Variants in ALLC observed in about 807,000 individuals in gnomAD.
ALLC encodes allantoicase, also known as probable inactive allantoicase.
In ALLC, 40 loss-of-function variants were observed where a neutral mutation model predicts 45.0. The observed-to-expected ratio is 0.89, with a 90% CI of 0.69 to 1.16. ALLC has a LOEUF of 1.16. Ranked by LOEUF, ALLC falls within the 50% of genes most tolerant of loss-of-function variation. ALLC has a pLI of 0.00. For synonymous variants in ALLC, 176 were observed against 178.1 expected, an observed-to-expected ratio of 0.99 and a Z score of 0.09; for missense variants, 488 against 493.1, an observed-to-expected ratio of 0.99 and a Z score of 0.10.
chr2:3,647,032 G>C, the ALLC span, among the ~76,000 whole-genome samples: 1 of 152,024 alleles, frequency 6.6e-6, no homozygotes, highest in African/African-American at 2.4e-5. Flanking sequence ...CATCATCCCC[G>C]TGAGGACGCA....
At chr2:3,660,651 C>T (rs1475331396) in intron 1 of ALLC, among the ~76,000 whole-genome samples, 5 of 143,726 alleles carry the variant, frequency 3.5e-5, no homozygotes, top group Admixed American at 2.7e-4. Flanking sequence ...TTATTCCTGA[C>T]GCACGTGGCC....
intron 1 of ALLC, among the ~76,000 whole-genome samples, chr2:3,668,566 C>CTTCTTT (rs1666786344): frequency 1.4e-5 from 1 of 71,886 alleles, no homozygotes; most frequent in Non-Finnish European, 2.4e-5. Context: ...ATGTGTATGA[C>CTTCTTT]TTTTTTTTTT....
At chr2:3,656,078 C>T (rs1160363153), upstream of ALLC, among the ~76,000 whole-genome samples, 1 of 152,256 alleles carries the variant, frequency 6.6e-6, no homozygotes, top group South Asian at 2.1e-4. Context: ...CAGGTCCCCA[C>T]CTAGTGAGCG....
chr2:3,681,192 G>C (rs1057499493), intron 5 of ALLC, among the ~76,000 whole-genome samples: 1 of 152,138 alleles, frequency 6.6e-6, no homozygotes, highest in Non-Finnish European at 1.5e-5. Context: ...AAGCGGAAAT[G>C]ACCAGTGACA....
chr2:3,695,696 T>C (rs1317122675), intron 7 of ALLC, 21 bp from the exon 8 acceptor site: 1 of 1,613,892 alleles, frequency 6.2e-7, no homozygotes, highest in Non-Finnish European at 8.5e-7. Context: ...AAACAATAAC[T>C]AAGGCACCTT....
upstream of ALLC, among the ~76,000 whole-genome samples, chr2:3,656,882 G>A (rs1021861844): frequency 7.9e-5 from 12 of 152,056 alleles, no homozygotes; most frequent in Admixed American, 2.0e-4. Context: ...TGGCTTTATC[G>A]GTGCCACAGC....
intron 1 of ALLC, 55 bp from the exon 2 acceptor site, chr2:3,671,041 G>A (rs1666854794): frequency 3.9e-6 from 4 of 1,023,302 alleles, no homozygotes; most frequent in Admixed American, 2.1e-5. Flanking sequence ...CCTAGACGGG[G>A]CCTCACTCAC....
chr2:3,681,631 C>A lies in ALLC; in HGVS notation c.299-3C>A. 1 of 1,605,764 alleles carries A rather than the reference C, an allele frequency of 6.2e-7. No homozygotes were observed. The highest frequency in any genetic ancestry group is 8.5e-7 in the Non-Finnish European group (1 of 1,175,120). ...TAATCCTGAATGGTCATTCCAACTACAGATAAACTACCAGAAATCCCAGAA... is the reference window on the plus strand; with the variant it reads ...TAATCCTGAATGGTCATTCCAACTAAAGATAAACTACCAGAAATCCCAGAA... On this transcript the variant is annotated splice_region_variant and splice_polypyrimidine_tract_variant and intron_variant, in intron 5 of 11. Coordinates refer to ENST00000252505, the MANE Select transcript of ALLC (RefSeq NM_018436.4).
chr2:3,693,903 G>A (rs188525433), intron 7 of ALLC, among the ~76,000 whole-genome samples: 8 of 152,234 alleles, frequency 5.3e-5, no homozygotes, highest in Admixed American at 1.3e-4. Context: ...CAGCAGAATC[G>A]CCTGAACCCG....
At chr2:3,701,358 T>A (rs1231903684) in intron 10 of ALLC, among the ~76,000 whole-genome samples, 154 bp from the exon 11 acceptor site, 1 of 152,200 alleles carries the variant, frequency 6.6e-6, no homozygotes, top group East Asian at 1.9e-4. Context: ...GGTTTGTTCC[T>A]TCCCTCACAT....
rs904735525 is a variant in ALLC, at chr2:3,702,308, C to T, written c.976-55C>T. The T allele has an allele frequency of 2.0e-5, 30 of 1,520,730 alleles. No homozygotes were observed. The Middle Eastern group carries it at 5.1e-4, about 26-fold the overall frequency. 94.2% of individuals were successfully genotyped at this position (1,520,730 alleles called of 1,614,324 possible). ...GGTTTGCCCGGGCCGTGGGCTCATT[C>T]GGCCACACATGTCCTGTTAACAGAC... On this transcript the variant is annotated intron_variant, in intron 11 of 11. Coordinates refer to ENST00000252505, the MANE Select transcript of ALLC (RefSeq NM_018436.4).
chr2:3,676,384 G>A (rs1450945456), intron 3 of ALLC, among the ~76,000 whole-genome samples: 1 of 152,144 alleles, frequency 6.6e-6, no homozygotes, highest in Non-Finnish European at 1.5e-5. Flanking sequence ...CTGGGCACAA[G>A]CGATCCTCCT....
In ALLC at chr2:3,681,703, C is replaced by T; in HGVS notation, c.368C>T (p.Ala123Val). 6.2e-7 allele frequency: 1 copy of T among 1,608,906 alleles called. No individual in the cohort carries two copies. The highest frequency in any genetic ancestry group is 8.5e-7 in the Non-Finnish European group (1 of 1,177,368). The change falls in exon 6 of 12, where the codon GCC (alanine) becomes GTC (valine). Residue 123 changes from alanine (A) to valine (V), a missense_variant. By Grantham distance (64) the Ala-to-Val change is moderately conservative. Transcript: ENST00000252505. ...GCAGCCACTCCTGAGGAGTTTGAAG[C>T]CATTGCTGAGGTACATCTCCCCCAA... ...GAAATPEEFE[A>V]IAELKSDDWS...
intron 7 of ALLC, among the ~76,000 whole-genome samples, chr2:3,690,674 C>CA (rs149587968): frequency 0.089 from 13,384 of 149,680 alleles, 740 homozygotes; most frequent in African/African-American, 0.16. Context: ...CAAAGAAAAA[C>CA]AAAAAAAAAC....
At chr2:3,647,206 C>T in the ALLC span, among the ~76,000 whole-genome samples, 1 of 152,136 alleles carries the variant, frequency 6.6e-6, no homozygotes, top group African/African-American at 2.4e-5. Flanking sequence ...TTCAACGCGA[C>T]ACACACATAC....
chr2:3,661,999 G>A (rs891771533), intron 1 of ALLC, among the ~76,000 whole-genome samples: 1 of 151,980 alleles, frequency 6.6e-6, no homozygotes, highest in African/African-American at 2.4e-5. Context: ...GGACTGAGCA[G>A]GGGCTGCCCT....
chr2:3,652,162 T>C, the ALLC span, among the ~76,000 whole-genome samples: 4,523 of 152,326 alleles, frequency 0.03, 188 homozygotes, highest in African/African-American at 0.094. Context: ...GCCCATGGAT[T>C]GTGCCGCCCA....
intron 4 of ALLC, 150 bp from the exon 5 acceptor site, chr2:3,679,719 T>C (rs1482650710): frequency 1.0e-6 from 1 of 988,006 alleles, no homozygotes; most frequent in Non-Finnish European, 1.5e-6. Context: ...CCTACAGTCA[T>C]ATTAGCTAAG....
intron 2 of ALLC, 137 bp downstream of exon 2, chr2:3,671,327 C>T (rs993590616): frequency 6.4e-6 from 6 of 944,792 alleles, no homozygotes; most frequent in Admixed American, 4.7e-5. Flanking sequence ...AACCCGTTAG[C>T]GAGAAAGACT....
Sources: gnomAD v4.1 joint callset for allele counts (sites outside exome capture counted in the v4.1 genomes callset) on GRCh38, gnomAD v4.1.1 for gene constraint, MANE v1.5 for transcripts, NCBI Gene and HGNC (gene_info 2026-07-23, HGNC 2026-07-21) for gene names.